Variants in SYT1 observed in about 807,000 individuals in gnomAD.
The protein encoded by SYT1 is synaptotagmin 1, also known as synaptotagmin-1.
In SYT1, 8 loss-of-function variants were observed where a neutral mutation model predicts 44.8. That is an observed-to-expected ratio of 0.18 (90% CI 0.10 to 0.32). The LOEUF is 0.32. Among genes scored for constraint, SYT1 ranks in the 10% least tolerant of loss-of-function variants. The probability of loss-of-function intolerance (pLI) is 1.00; values close to 1 mark genes in which losing one functional copy is unlikely to be tolerated. For synonymous variants in SYT1, 154 were observed against 188.8 expected (o/e 0.82, Z 1.51); for missense variants, 286 against 509.3 (o/e 0.56, Z 4.22).
chr12:79,193,165 T>A (rs191735247), intron 3 of SYT1, among the ~76,000 whole-genome samples: 220 of 152,316 alleles, frequency 1.4e-3, no homozygotes, highest in African/African-American at 5.0e-3. Context: ...TTCTTTATAC[T>A]AGGGTTGAGC....
intron 1 of SYT1, among the ~76,000 whole-genome samples, chr12:78,873,071 A>C (rs928895444): frequency 6.6e-6 from 1 of 151,562 alleles, no homozygotes; most frequent in Non-Finnish European, 1.5e-5. Flanking sequence ...GGCGTGCAGC[A>C]CTGTATTTTT....
intron 8 of SYT1, among the ~76,000 whole-genome samples, chr12:79,322,137 A>C (rs944603262): frequency 1.5e-4 from 23 of 152,208 alleles, no homozygotes; most frequent in South Asian, 2.1e-4. Context: ...TTGAAATCAC[A>C]TACACTTGAC....
intron 4 of SYT1, among the ~76,000 whole-genome samples, chr12:79,229,795 A>G: frequency 6.6e-6 from 1 of 151,980 alleles, no homozygotes; most frequent in Non-Finnish European, 1.5e-5. Context: ...GGGTTTCATC[A>G]TATTGGCCAG....
chr12:78,931,250 G>A (rs34807721), intron 1 of SYT1, among the ~76,000 whole-genome samples: 485 of 36,792 alleles, frequency 0.013, 2 homozygotes, highest in South Asian at 0.023. Context: ...AAGGAAGGAA[G>A]GAAGGAAGGA....
At chr12:79,300,789 T>TTTTTTATATATATATATA (rs1490670835) in intron 8 of SYT1, among the ~76,000 whole-genome samples, 3 of 89,624 alleles carry the variant, frequency 3.3e-5, no homozygotes, top group Admixed American at 2.4e-4. Context: ...TGTATACTTA[T>TTTTTTATATATATATATA]TATATATATA....
At chr12:79,114,401 C>A (rs1334554058) in intron 3 of SYT1, among the ~76,000 whole-genome samples, 13 of 152,172 alleles carry the variant, frequency 8.5e-5, no homozygotes. Context: ...AGTGGCATCA[C>A]ACCTCTTACA....
At chr12:78,933,750 A>G (rs761114200) in intron 1 of SYT1, among the ~76,000 whole-genome samples, 1 of 152,180 alleles carries the variant, frequency 6.6e-6, no homozygotes, top group Non-Finnish European at 1.5e-5. Flanking sequence ...AGATATTAGC[A>G]TAAATTCTAC....
chr12:78,980,016 A>G (rs1869130351), intron 2 of SYT1, among the ~76,000 whole-genome samples: 1 of 152,172 alleles, frequency 6.6e-6, no homozygotes, highest in Admixed American at 6.5e-5. Flanking sequence ...CTTTATTAAT[A>G]CAACTAAATT....
chr12:79,397,866 T>A (rs1274066669), intron 9 of SYT1, among the ~76,000 whole-genome samples: 5 of 152,198 alleles, frequency 3.3e-5, no homozygotes, highest in African/African-American at 7.2e-5. Context: ...GAAGTTTCCA[T>A]CATGCTCTCC....
chr12:78,991,573 G>A (rs972068455), intron 2 of SYT1, among the ~76,000 whole-genome samples: 101 of 152,128 alleles, frequency 6.6e-4, no homozygotes, highest in African/African-American at 2.4e-3. Context: ...TCATGATTTG[G>A]AATCATTTTC....
At chr12:79,267,003 C>T (rs1000926197) in intron 4 of SYT1, among the ~76,000 whole-genome samples, 1 of 152,152 alleles carries the variant, frequency 6.6e-6, no homozygotes, top group East Asian at 1.9e-4. Flanking sequence ...GCATAGCAGC[C>T]ATGCAATTCT....
At chr12:79,049,114 A>G (rs943396943) in intron 3 of SYT1, among the ~76,000 whole-genome samples, 1 of 151,926 alleles carries the variant, frequency 6.6e-6, no homozygotes, top group Non-Finnish European at 1.5e-5. Flanking sequence ...CTCTGAGTAT[A>G]ATTTCATGTG....
At chr12:79,030,465 C>T (rs1274087257) in intron 2 of SYT1, among the ~76,000 whole-genome samples, 1 of 151,022 alleles carries the variant, frequency 6.6e-6, no homozygotes, top group Non-Finnish European at 1.5e-5. Flanking sequence ...AAAGAATGGT[C>T]ACCCTTCAAG....
At chr12:79,438,314 G>A (rs897868486) in intron 9 of SYT1, among the ~76,000 whole-genome samples, 16 of 152,160 alleles carry the variant, frequency 1.1e-4, no homozygotes, top group Admixed American at 9.8e-4. Context: ...ACTGATGGAG[G>A]CAAGTAGGAT....
intron 9 of SYT1, among the ~76,000 whole-genome samples, chr12:79,408,353 T>C (rs1868311639): frequency 6.6e-6 from 1 of 152,162 alleles, no homozygotes; most frequent in Non-Finnish European, 1.5e-5. Flanking sequence ...GGGGAGCTTT[T>C]ACTAAGTCTC....
chr12:79,280,528 TA>T (rs1878988727), intron 4 of SYT1, among the ~76,000 whole-genome samples: 3 of 151,898 alleles, frequency 2.0e-5, no homozygotes, highest in African/African-American at 7.3e-5. Flanking sequence ...GACTTAAATG[TA>T]AGACCCAAAA....
chr12:79,433,399 T>C (rs1869910354), intron 9 of SYT1, among the ~76,000 whole-genome samples: 3 of 152,208 alleles, frequency 2.0e-5, no homozygotes, highest in Non-Finnish European at 2.9e-5. Context: ...ATTTGTCATA[T>C]TACATGTACA....
At chr12:79,000,117 T>C (rs1870634845) in intron 2 of SYT1, among the ~76,000 whole-genome samples, 1 of 152,100 alleles carries the variant, frequency 6.6e-6, no homozygotes, top group Non-Finnish European at 1.5e-5. Context: ...AATTCACCAT[T>C]ACTAAGCTGT....
At chr12:79,316,444 CT>C (rs1412730716) in intron 8 of SYT1, among the ~76,000 whole-genome samples, 1 of 152,168 alleles carries the variant, frequency 6.6e-6, no homozygotes, top group African/African-American at 2.4e-5. Context: ...AGGAATAAAG[CT>C]GTTGTACAGC....
Sources: allele counts gnomAD v4.1 joint callset (sites outside exome capture counted in the v4.1 genomes callset), GRCh38; gene constraint gnomAD v4.1.1; transcripts MANE v1.5; gene names NCBI Gene and HGNC (gene_info 2026-07-23, HGNC 2026-07-21).